LRRC4C: variants seen among roughly 807,000 people sequenced by gnomAD.
LRRC4C encodes leucine rich repeat containing 4C, also known as leucine-rich repeat-containing protein 4C.
LRRC4C carries 5 observed loss-of-function variants against 33.6 expected under a neutral mutation model. That is an observed-to-expected ratio of 0.15 (90% confidence interval 0.08 to 0.31). The LOEUF is 0.31. LRRC4C is among the 10% of genes least tolerant of loss of function. The probability of loss-of-function intolerance (pLI) is 1.00; values close to 1 mark genes in which losing one functional copy is unlikely to be tolerated. For synonymous variants in LRRC4C, 329 were observed against 302.0 expected, an observed-to-expected ratio of 1.09 and a Z score of -0.93; for missense variants, 560 against 796.7, an observed-to-expected ratio of 0.70 and a Z score of 3.58.
intron 2 of LRRC4C, among the ~76,000 whole-genome samples, chr11:40,752,089 C>T (rs947188217): frequency 1.3e-5 from 2 of 152,056 alleles, no homozygotes; most frequent in African/African-American, 4.8e-5. Context: ...TCACCATATA[C>T]AAAAATCAGC....
intron 2 of LRRC4C, among the ~76,000 whole-genome samples, chr11:40,768,289 C>A (rs975254979): frequency 1.3e-5 from 2 of 151,986 alleles, no homozygotes; most frequent in African/African-American, 4.8e-5. Context: ...CCTGCATAGA[C>A]CAATAACAAT....
intron 2 of LRRC4C, among the ~76,000 whole-genome samples, chr11:40,884,951 G>A (rs1036411526): frequency 2.6e-5 from 4 of 151,996 alleles, no homozygotes; most frequent in African/African-American, 9.7e-5. Context: ...GGACACAAGA[G>A]TGGAATAATA....
chr11:41,445,596 T>A (rs1475350901), intron 1 of LRRC4C, among the ~76,000 whole-genome samples: 1 of 152,056 alleles, frequency 6.6e-6, no homozygotes, highest in African/African-American at 2.4e-5. Context: ...GAAGGGTAAA[T>A]CAGAGGACCC....
chr11:41,044,073 C>G (rs1001165972), intron 1 of LRRC4C, among the ~76,000 whole-genome samples: 5 of 152,094 alleles, frequency 3.3e-5, no homozygotes, highest in Non-Finnish European at 7.4e-5. Flanking sequence ...AATCTTCAAA[C>G]TGTCATCTCT....
chr11:41,236,400 T>C (rs1010898545), intron 1 of LRRC4C, among the ~76,000 whole-genome samples: 1 of 151,984 alleles, frequency 6.6e-6, no homozygotes, highest in Non-Finnish European at 1.5e-5. Context: ...CATTCCAAAA[T>C]AACAGTAACA....
At chr11:40,260,732 C>T (rs1424031892) in intron 4 of LRRC4C, among the ~76,000 whole-genome samples, 2 of 152,036 alleles carry the variant, frequency 1.3e-5, no homozygotes, top group East Asian at 3.9e-4. Flanking sequence ...TAGAGCAGCC[C>T]AGGAGTCAGC....
At chr11:41,434,957 C>A (rs986997250) in intron 1 of LRRC4C, among the ~76,000 whole-genome samples, 1 of 152,110 alleles carries the variant, frequency 6.6e-6, no homozygotes, top group African/African-American at 2.4e-5. Context: ...ATGCATTTTA[C>A]AGTTAAGGAT....
chr11:40,586,184 T>C (rs1416485617), intron 3 of LRRC4C, among the ~76,000 whole-genome samples: 1 of 152,092 alleles, frequency 6.6e-6, no homozygotes, highest in South Asian at 2.1e-4. Context: ...TGTGAGATGG[T>C]ATCTCATTGT....
At chr11:40,254,357 T>C (rs1299689384) in intron 4 of LRRC4C, among the ~76,000 whole-genome samples, 1 of 152,182 alleles carries the variant, frequency 6.6e-6, no homozygotes, top group African/African-American at 2.4e-5. Flanking sequence ...TAAAGCATGG[T>C]GATGCCATAG....
intron 3 of LRRC4C, among the ~76,000 whole-genome samples, chr11:40,365,656 A>T (rs1452665235): frequency 6.6e-6 from 1 of 152,016 alleles, no homozygotes; most frequent in Non-Finnish European, 1.5e-5. Context: ...ATGTTACAAG[A>T]AGTAAATGTC....
chr11:40,423,158 A>T (rs1431057771), intron 3 of LRRC4C, among the ~76,000 whole-genome samples: 1 of 152,066 alleles, frequency 6.6e-6, no homozygotes, highest in East Asian at 1.9e-4. Context: ...CCAAATGCTA[A>T]AAGTCACATT....
At chr11:41,133,834 C>T (rs773471695) in intron 1 of LRRC4C, among the ~76,000 whole-genome samples, 7 of 152,134 alleles carry the variant, frequency 4.6e-5, no homozygotes, top group Admixed American at 1.3e-4. Context: ...CAGAACCATA[C>T]TCCTTTAAAC....
intron 3 of LRRC4C, among the ~76,000 whole-genome samples, chr11:40,463,938 A>G (rs765906145): frequency 3.9e-5 from 6 of 152,046 alleles, no homozygotes; most frequent in Admixed American, 6.6e-5. Context: ...TCAACAAGAG[A>G]AATTACTCTG....
intron 1 of LRRC4C, among the ~76,000 whole-genome samples, chr11:41,352,474 A>G (rs1485689632): frequency 6.6e-6 from 1 of 152,154 alleles, no homozygotes; most frequent in Non-Finnish European, 1.5e-5. Flanking sequence ...GGAAAGACTA[A>G]CAAAGACATT....
chr11:40,972,878 C>A (rs939563254), intron 1 of LRRC4C, among the ~76,000 whole-genome samples: 3 of 152,142 alleles, frequency 2.0e-5, no homozygotes, highest in African/African-American at 4.8e-5. Flanking sequence ...CCACCCAAAT[C>A]TCATGTCAAA....
intron 2 of LRRC4C, among the ~76,000 whole-genome samples, chr11:40,730,430 G>T (rs1044464082): frequency 2.0e-5 from 3 of 152,110 alleles, no homozygotes; most frequent in Non-Finnish European, 4.4e-5. Context: ...TAGAAATGGG[G>T]AATATATTTC....
chr11:40,936,336 GTTT>G (rs34468606), intron 1 of LRRC4C, among the ~76,000 whole-genome samples: 4 of 112,718 alleles, frequency 3.5e-5, no homozygotes, highest in African/African-American at 3.5e-5. Context: ...TCTAACACTT[GTTT>G]TTTTTTTTTT....
At chr11:40,409,466 A>C (rs1017097520) in intron 3 of LRRC4C, among the ~76,000 whole-genome samples, 6 of 151,998 alleles carry the variant, frequency 3.9e-5, no homozygotes, top group Admixed American at 6.6e-5. Flanking sequence ...TATAAAATGG[A>C]AGAAAACATT....
chr11:40,672,576 G>A (rs1226701377), intron 2 of LRRC4C, among the ~76,000 whole-genome samples: 1 of 152,172 alleles, frequency 6.6e-6, no homozygotes, highest in Non-Finnish European at 1.5e-5. Flanking sequence ...ATCAGCTGAA[G>A]AATCTTGATA....
Sources: allele counts gnomAD v4.1 joint callset (sites outside exome capture counted in the v4.1 genomes callset), GRCh38; gene constraint gnomAD v4.1.1; transcripts MANE v1.5; gene names NCBI Gene and HGNC (gene_info 2026-07-23, HGNC 2026-07-21).